The following RARB variants were observed in gnomAD, a reference collection of about 807,000 sequenced individuals.
RARB encodes the protein retinoic acid receptor beta, also known as HBV-activated protein.
RARB carries 17 observed loss-of-function variants against 51.9 expected under a neutral mutation model. That is an observed-to-expected ratio of 0.33 (90% CI 0.22 to 0.49). The LOEUF is 0.49. RARB is among the 20% of genes least tolerant of loss of function. The probability of loss-of-function intolerance (pLI) is 0.99; values close to 1 mark genes in which losing one functional copy is unlikely to be tolerated. For synonymous variants in RARB, 215 were observed against 195.4 expected (o/e 1.10, Z -0.84); for missense variants, 369 against 550.8 (o/e 0.67, Z 3.30).
intron 4 of RARB, among the ~76,000 whole-genome samples, chr3:25,137,269 A>G (rs1019439113): frequency 6.6e-6 from 1 of 152,122 alleles, no homozygotes; most frequent in East Asian, 1.9e-4. Context: ...TGTAGCTGGA[A>G]TTCTTATAAT....
intron 5 of RARB, among the ~76,000 whole-genome samples, chr3:25,367,824 AAAAC>A (rs1261441899): frequency 6.6e-6 from 1 of 151,176 alleles, no homozygotes; most frequent in Non-Finnish European, 1.5e-5. Flanking sequence ...AAGCAAAAAA[AAAAC>A]AAAAACAAAA....
At chr3:25,170,833 A>G (rs1012123546) in intron 4 of RARB, among the ~76,000 whole-genome samples, 1 of 152,140 alleles carries the variant, frequency 6.6e-6, no homozygotes, top group Non-Finnish European at 1.5e-5. Context: ...TGTTAATAAG[A>G]TATCGTAGAT....
chr3:25,203,302 C>T (rs1344853927), intron 5 of RARB, among the ~76,000 whole-genome samples: 1 of 152,106 alleles, frequency 6.6e-6, no homozygotes, highest in African/African-American at 2.4e-5. Flanking sequence ...TCCTCCATCC[C>T]TTAATTTTGA....
intron 2 of RARB, among the ~76,000 whole-genome samples, chr3:25,500,310 A>C (rs550046093): frequency 6.6e-6 from 1 of 152,042 alleles, no homozygotes; most frequent in Non-Finnish European, 1.5e-5. Flanking sequence ...ACTCATTTTT[A>C]TTTCTTGTTT....
chr3:25,461,008 T>A (rs925140853), intron 1 of RARB, among the ~76,000 whole-genome samples, 185 bp from the exon 2 acceptor site: 5 of 152,178 alleles, frequency 3.3e-5, no homozygotes, highest in African/African-American at 7.2e-5. Flanking sequence ...TTGTAAACCG[T>A]AGAGTACCAC....
chr3:25,539,628 C>G lies in RARB; in HGVS notation c.449-30130C>G, dbSNP rs115984070. ...GTATTTCTTTTTTCCCCCCCACACTCTCTACATTCTCTTTAGTCAATGTCC... is the reference window on the plus strand; with the variant it reads ...GTATTTCTTTTTTCCCCCCCACACTGTCTACATTCTCTTTAGTCAATGTCC... On this transcript the variant is annotated intron_variant, in intron 3 of 7. Coordinates refer to ENST00000330688, the MANE Select transcript of RARB (RefSeq NM_000965.5). Among the ~76,000 whole-genome samples the G allele has an allele frequency of 3.3e-3, 451 of 137,028 alleles. 4 individuals are homozygous for G. Among genetic ancestry groups the G allele is most frequent in the African/African-American group, 9.9e-3 (358 of 36,176 alleles). 89.9% of individuals were successfully genotyped at this position (137,028 alleles called of 152,430 possible).
intron 2 of RARB, among the ~76,000 whole-genome samples, chr3:25,058,092 C>T (rs1698476062): frequency 6.6e-6 from 1 of 151,942 alleles, no homozygotes; most frequent in South Asian, 2.1e-4. Context: ...CATTAACTTT[C>T]ACCTAAATGG....
intron 2 of RARB, among the ~76,000 whole-genome samples, chr3:24,927,734 A>G (rs1370639081): frequency 6.6e-6 from 1 of 152,072 alleles, no homozygotes; most frequent in African/African-American, 2.4e-5. Context: ...CCCTCAATAT[A>G]CTAACCTTGT....
At chr3:25,564,236 C>A (rs1285288982) in intron 3 of RARB, among the ~76,000 whole-genome samples, 1 of 152,088 alleles carries the variant, frequency 6.6e-6, no homozygotes, top group Non-Finnish European at 1.5e-5. Flanking sequence ...ACTTTTATTA[C>A]ATTCATTTCA....
intron 5 of RARB, among the ~76,000 whole-genome samples, chr3:25,365,814 A>G (rs1706101773): frequency 6.6e-6 from 1 of 152,182 alleles, no homozygotes; most frequent in Admixed American, 6.5e-5. Flanking sequence ...GGGCAGCTCC[A>G]GTACAACTAT....
chr3:25,333,209 G>T (rs533832680), intron 5 of RARB, among the ~76,000 whole-genome samples: 3 of 151,900 alleles, frequency 2.0e-5, no homozygotes, highest in Admixed American at 6.6e-5. Context: ...AAAAGAGCCC[G>T]CATTGCCAAG....
At chr3:25,089,880 C>T (rs772853455) in intron 3 of RARB, among the ~76,000 whole-genome samples, 12 of 152,100 alleles carry the variant, frequency 7.9e-5, no homozygotes, top group Non-Finnish European at 1.8e-4. Flanking sequence ...AAGAGAAAGA[C>T]AGTTCCCAGA....
intron 4 of RARB, among the ~76,000 whole-genome samples, chr3:25,137,111 C>T (rs554963812): frequency 3.2e-4 from 49 of 152,052 alleles, no homozygotes; most frequent in African/African-American, 9.2e-4. Flanking sequence ...TATTTAATGC[C>T]GACTACTAGC....
At chr3:24,972,358 T>C (rs1696418763) in intron 2 of RARB, among the ~76,000 whole-genome samples, 1 of 152,118 alleles carries the variant, frequency 6.6e-6, no homozygotes, top group Admixed American at 6.6e-5. Flanking sequence ...ATTGTGTGTA[T>C]ATACTGTACT....
chr3:25,567,519 C>T (rs554694863), intron 3 of RARB, among the ~76,000 whole-genome samples: 9 of 152,168 alleles, frequency 5.9e-5, no homozygotes, highest in Non-Finnish European at 1.0e-4. Flanking sequence ...ACCATAAGGA[C>T]GTCCTAGATT....
chr3:25,031,841 A>T (rs2125290376), intron 2 of RARB, among the ~76,000 whole-genome samples: 1 of 152,344 alleles, frequency 6.6e-6, no homozygotes, highest in East Asian at 1.9e-4. Flanking sequence ...AGTTTTAGGG[A>T]TTAATATTAG....
intron 5 of RARB, chr3:25,174,705 C>T (rs1210335922): frequency 1.1e-6 from 1 of 915,516 alleles, no homozygotes; most frequent in Non-Finnish European, 1.5e-6. Context: ...GTCTTGAATT[C>T]TACTTTTAGT....
At chr3:25,461,098 A>G in intron 1 of RARB, 95 bp from the exon 2 acceptor site, 1 of 1,403,548 alleles carries the variant, frequency 7.1e-7, no homozygotes, top group Admixed American at 2.4e-5. Context: ...TTATTGCTGA[A>G]TTTGGGGCAG....
chr3:25,054,518 A>C (rs1024851032), intron 2 of RARB, among the ~76,000 whole-genome samples: 1 of 152,182 alleles, frequency 6.6e-6, no homozygotes, highest in African/African-American at 2.4e-5. Context: ...TCTGGATTTG[A>C]AAGGCAGAAA....
Sources: gnomAD v4.1 joint callset for allele counts (sites outside exome capture counted in the v4.1 genomes callset) on GRCh38, gnomAD v4.1.1 for gene constraint, MANE v1.5 for transcripts, NCBI Gene and HGNC (gene_info 2026-07-23, HGNC 2026-07-21) for gene names.